The following ELOVL2 variants were observed in gnomAD, a reference collection of about 807,000 sequenced individuals.
The protein encoded by ELOVL2 is very long chain fatty acid elongase 2.
In ELOVL2, 38 loss-of-function variants were observed where a neutral mutation model predicts 37.7. The observed-to-expected ratio is 1.01, with a 90% CI of 0.78 to 1.32. ELOVL2 has a LOEUF of 1.32. Among genes scored for constraint, ELOVL2 ranks in the 40% most tolerant of loss-of-function variants. The pLI is 0.00. For synonymous variants in ELOVL2, 115 were observed against 122.3 expected (o/e 0.94, Z 0.40); for missense variants, 352 against 363.6 (o/e 0.97, Z 0.26).
intron 1 of ELOVL2, among the ~76,000 whole-genome samples, chr6:11,028,555 C>T (rs1782870534): frequency 6.6e-6 from 1 of 151,470 alleles, no homozygotes; most frequent in Non-Finnish European, 1.5e-5. Flanking sequence ...CTCACACTAG[C>T]TACCCCACAG....
chr6:10,993,857 ATTTTTT>A (rs530539525), intron 5 of ELOVL2, among the ~76,000 whole-genome samples: 5 of 79,098 alleles, frequency 6.3e-5, no homozygotes, highest in African/African-American at 8.6e-5. Context: ...CGCCCAGCTA[ATTTTTT>A]TTTTTTTTTT....
intron 1 of ELOVL2, among the ~76,000 whole-genome samples, chr6:11,013,204 G>GATAAAAATTCTCTCTT: frequency 6.6e-6 from 1 of 152,304 alleles, no homozygotes; most frequent in East Asian, 1.9e-4. Context: ...TCAGAAACCT[G>GATAAAAATTCTCTCTT]ATAAAAATTC....
At chr6:11,035,503 TG>T (rs1782993303) in intron 1 of ELOVL2, among the ~76,000 whole-genome samples, 1 of 152,230 alleles carries the variant, frequency 6.6e-6, no homozygotes, top group South Asian at 2.1e-4. Flanking sequence ...AATTGACTGC[TG>T]AGTACTGTGG....
At chr6:10,990,894 T>A (rs1782147730) in intron 5 of ELOVL2, among the ~76,000 whole-genome samples, 1 of 152,206 alleles carries the variant, frequency 6.6e-6, no homozygotes, top group African/African-American at 2.4e-5. Context: ...AGACAAAATA[T>A]ATTGCTTTCA....
At chr6:11,002,224 T>C (rs1460761514) in intron 3 of ELOVL2, among the ~76,000 whole-genome samples, 1 of 152,176 alleles carries the variant, frequency 6.6e-6, no homozygotes, top group Non-Finnish European at 1.5e-5. Flanking sequence ...TCAACTCCAA[T>C]GTCACCTTTT....
chr6:11,009,700 G>A (rs1409449480), intron 2 of ELOVL2, among the ~76,000 whole-genome samples: 3 of 152,204 alleles, frequency 2.0e-5, no homozygotes, highest in Non-Finnish European at 4.4e-5. Context: ...CAGTGAGGAC[G>A]ACGGATACTG....
intron 1 of ELOVL2, among the ~76,000 whole-genome samples, chr6:11,040,060 G>T (rs922384567): frequency 6.6e-6 from 1 of 152,076 alleles, no homozygotes; most frequent in Non-Finnish European, 1.5e-5. Flanking sequence ...GGAGGAAAGA[G>T]ATTTTGAAAT....
chr6:10,985,602 G>A (rs1341239570), intron 7 of ELOVL2, among the ~76,000 whole-genome samples: 1 of 151,750 alleles, frequency 6.6e-6, no homozygotes, highest in Non-Finnish European at 1.5e-5. Context: ...TATTAAATAG[G>A]GAATCCTTTC....
intron 1 of ELOVL2, among the ~76,000 whole-genome samples, chr6:11,022,947 T>C (rs1782787345): frequency 6.6e-6 from 1 of 152,236 alleles, no homozygotes; most frequent in Non-Finnish European, 1.5e-5. Flanking sequence ...TTAGAATATA[T>C]AAAATAACTT....
intron 1 of ELOVL2, among the ~76,000 whole-genome samples, chr6:11,014,504 AAAAACTAAACT>A (rs918289300): frequency 6.7e-6 from 1 of 150,300 alleles, no homozygotes; most frequent in African/African-American, 2.5e-5. Context: ...CAACAACAAC[AAAAACTAAACT>A]AAAACGATAG....
At chr6:10,992,290 G>C (rs919727805) in intron 5 of ELOVL2, among the ~76,000 whole-genome samples, 3 of 152,052 alleles carry the variant, frequency 2.0e-5, no homozygotes, top group African/African-American at 7.2e-5. Context: ...ATCTCTACAA[G>C]ATCCTAAATC....
chr6:11,044,147 C>A lies in ELOVL2; in HGVS notation c.3+81G>T. ...CGCAGCGCCCGCGCCGGCGCCCGCT[C>A]GGCCCTTTCCCGCCCGGTGCGTGGG... is the stretch of plus-strand genomic sequence containing the variant. On this transcript the variant is annotated intron_variant, in intron 1 of 7. Transcript: ENST00000354666. The surrounding 1 kb of genome is among the most constrained non-coding windows in gnomAD (Gnocchi z 5.6). 2 of 1,394,740 alleles carry A rather than the reference C, an allele frequency of 1.4e-6. No individual in the cohort carries two copies. Among genetic ancestry groups the A allele is most frequent in the South Asian group, 1.5e-5 (1 of 66,424 alleles). 86.4% of individuals were successfully genotyped at this position (1,394,740 alleles called of 1,614,324 possible). A position where few individuals can be genotyped will look rare whatever the true frequency, so the allele number is the denominator to read the frequency against.
intron 1 of ELOVL2, among the ~76,000 whole-genome samples, chr6:11,011,359 C>T (rs1246723878): frequency 6.9e-6 from 1 of 145,268 alleles, no homozygotes; most frequent in Non-Finnish European, 1.5e-5. Context: ...GAGTGAGACT[C>T]TGTCTCAAAA....
At chr6:11,043,935 G>A (rs1323738538) in intron 1 of ELOVL2, 2 of 285,822 alleles carry the variant, frequency 7.0e-6, no homozygotes, top group Non-Finnish European at 1.3e-5. Flanking sequence ...CATGCAACAG[G>A]GGACTGGGCG....
At chr6:10,995,944 A>G (rs975115724) in intron 4 of ELOVL2, among the ~76,000 whole-genome samples, 1 of 152,194 alleles carries the variant, frequency 6.6e-6, no homozygotes, top group Non-Finnish European at 1.5e-5. Flanking sequence ...AGGGCAGTCT[A>G]TGGCTACATC....
At chr6:11,034,017 T>G (rs145662555) in intron 1 of ELOVL2, among the ~76,000 whole-genome samples, 3 of 152,228 alleles carry the variant, frequency 2.0e-5, no homozygotes, top group African/African-American at 7.2e-5. Flanking sequence ...ATGAGAATAC[T>G]GATATTCAAA....
Position 10,983,206 on chromosome 6 carries a change from G to A in ELOVL2, c.*575C>T, listed in dbSNP as rs925969622. 5 of 152,226 alleles carry A rather than the reference G, an allele frequency of 3.3e-5. No homozygotes were observed. Among genetic ancestry groups the A allele is most frequent in the South Asian group, 2.1e-4 (1 of 4,818 alleles). The allele number at this position is 152,226 out of a possible 1,614,324, so 9.4% of individuals were successfully genotyped here. ...TAAATTTAGAATCAGGAGTGGTTGTGGGAATCTGATAGACAAGACTCTGGC... is the reference window on the plus strand; with the variant it reads ...TAAATTTAGAATCAGGAGTGGTTGTAGGAATCTGATAGACAAGACTCTGGC... On this transcript the variant is annotated 3_prime_UTR_variant, in exon 8 of 8. Transcript: ENST00000354666.
chr6:11,029,829 A>G (rs575044956), intron 1 of ELOVL2, among the ~76,000 whole-genome samples: 41 of 152,206 alleles, frequency 2.7e-4, no homozygotes, highest in Non-Finnish European at 5.7e-4. Flanking sequence ...AGTGGGTTGG[A>G]ACCCTTTCAC....
At chr6:11,037,146 CAGAG>C (rs1205145682) in intron 1 of ELOVL2, among the ~76,000 whole-genome samples, 1 of 128,822 alleles carries the variant, frequency 7.8e-6, no homozygotes, top group Non-Finnish European at 1.6e-5. Flanking sequence ...GAGAGAGAGA[CAGAG>C]AGGCAGAGAG....
Sources: allele counts gnomAD v4.1 joint callset (sites outside exome capture counted in the v4.1 genomes callset), GRCh38; gene constraint gnomAD v4.1.1; non-coding constraint Gnocchi (gnomAD v3.1); transcripts MANE v1.5; gene names NCBI Gene and HGNC (gene_info 2026-07-23, HGNC 2026-07-21).